Variants in TRIM67 observed in about 807,000 individuals in gnomAD.
TRIM67 encodes tripartite motif containing 67, also known as tripartite motif-containing protein 67.
In TRIM67, 39 loss-of-function variants were observed where a neutral mutation model predicts 71.0. The observed-to-expected ratio is 0.55, with a 90% CI of 0.43 to 0.72. The LOEUF (loss-of-function observed/expected upper bound fraction) is 0.72. TRIM67 is among the 30% of genes least tolerant of loss of function. TRIM67 has a pLI of 0.00. For missense variants in TRIM67, 973 were observed against 1,079.2 expected (o/e 0.90, Z 1.38); for synonymous variants, 481 against 473.9 (o/e 1.01, Z -0.19).
rs991845570 is a variant in TRIM67, at chr1:231,221,193, G to A, written c.*5753G>A. On this transcript the variant is annotated 3_prime_UTR_variant, in exon 10 of 10. Coordinates refer to ENST00000366653, the MANE Select transcript of TRIM67 (RefSeq NM_001004342.5). ...TTTAACAAGAAACAAAAAGCTTCGC[G>A]TCCTTGTTTTGACCGTCGACAGAAG... 6.6e-6 allele frequency: 1 copy of A among 152,220 alleles called. No homozygotes were observed. The highest frequency in any genetic ancestry group is 1.5e-5 in the Non-Finnish European group (1 of 68,022). 9.4% of individuals were successfully genotyped at this position (152,220 alleles called of 1,614,324 possible).
At chr1:231,201,606 T>C (rs975421038) in intron 5 of TRIM67, 89 bp downstream of exon 5, 19 of 1,451,362 alleles carry the variant, frequency 1.3e-5, no homozygotes, top group Non-Finnish European at 1.5e-5. Flanking sequence ...TAGGGAGACC[T>C]GTGATGCACG....
intron 1 of TRIM67, among the ~76,000 whole-genome samples, chr1:231,189,144 G>T (rs982465437): frequency 4.6e-5 from 7 of 152,176 alleles, no homozygotes; most frequent in Non-Finnish European, 8.8e-5. Context: ...TGCGACACTG[G>T]ATAAATCCAA....
At position 231,199,224 on chromosome 1, in the gene TRIM67, C is replaced by G. The variant is rs560356192; in HGVS notation, c.1263+55C>G. The G allele has an allele frequency of 5.7e-6, 9 of 1,567,874 alleles. 1 individual carries two copies. In the African/African-American group the frequency reaches 8.1e-5, roughly 14 times the overall value. On this transcript the variant is annotated intron_variant, in intron 3 of 9. Coordinates refer to ENST00000366653, the MANE Select transcript of TRIM67 (RefSeq NM_001004342.5). ...TCCCTGCCACATCCTCTGCACCCAG[C>G]GTGGGGTGGAGCACAGAGTAGGCAC...
intron 8 of TRIM67, among the ~76,000 whole-genome samples, chr1:231,213,507 G>A (rs112442734): frequency 1.4e-4 from 22 of 152,268 alleles, no homozygotes; most frequent in African/African-American, 4.6e-4. Context: ...TGGGAAGATC[G>A]CTTGAGCCTA....
intron 1 of TRIM67, among the ~76,000 whole-genome samples, chr1:231,168,986 C>G (rs146904180): frequency 6.6e-6 from 1 of 152,172 alleles, no homozygotes; most frequent in Non-Finnish European, 1.5e-5. Flanking sequence ...GAGAAGAGTC[C>G]GCCGGGGCTC....
rs3049035 is a variant in TRIM67, at chr1:231,193,503, GCTCTCTCTCTCT to G, written c.1045-3832_1045-3821del. ...AAGAGACACCTGAACTCTCTCTCAA[GCTCTCTCTCTCT>G]CTCTCTCTCTCTCTCTCTCTCTCTC... On this transcript the variant is annotated intron_variant, in intron 1 of 9. Transcript: ENST00000366653. Among the ~76,000 whole-genome samples, 291 of 81,996 alleles carry G rather than the reference GCTCTCTCTCTCT, an allele frequency of 3.5e-3. 2 individuals carry two copies. The highest frequency in any genetic ancestry group is 0.022 in the East Asian group (63 of 2,834). 53.8% of individuals were successfully genotyped at this position (81,996 alleles called of 152,430 possible).
intron 1 of TRIM67, chr1:231,187,585 G>T (rs1290380568): frequency 6.5e-7 from 1 of 1,529,848 alleles, no homozygotes; most frequent in Non-Finnish European, 8.7e-7. Flanking sequence ...CCTCCTTTGT[G>T]CCCAATGATG....
chr1:231,180,997 C>A (rs1001011245), intron 1 of TRIM67, among the ~76,000 whole-genome samples: 1 of 152,022 alleles, frequency 6.6e-6, no homozygotes, highest in African/African-American at 2.4e-5. Context: ...GATGGAGTCT[C>A]GCTCTGTCGC....
At chr1:231,207,671 C>T (rs59494938) in intron 7 of TRIM67, among the ~76,000 whole-genome samples, 29 of 152,304 alleles carry the variant, frequency 1.9e-4, no homozygotes, top group African/African-American at 7.0e-4. Flanking sequence ...TGAGCAGATG[C>T]TGGTGTCAAA....
chr1:231,192,004 G>A (rs1218732525), intron 1 of TRIM67, among the ~76,000 whole-genome samples: 1 of 152,206 alleles, frequency 6.6e-6, no homozygotes, highest in East Asian at 1.9e-4. Context: ...GCTTTCCTGG[G>A]CCACCCATCT....
At chr1:231,174,801 T>A (rs531888786) in intron 1 of TRIM67, among the ~76,000 whole-genome samples, 9 of 152,240 alleles carry the variant, frequency 5.9e-5, no homozygotes, top group Admixed American at 5.2e-4. Context: ...TTTTAAGTTA[T>A]GCTTTCTTGA....
chr1:231,216,304 A>C lies in TRIM67; in HGVS notation c.*864A>C, dbSNP rs1177616827. The C allele has an allele frequency of 1.0e-6, 1 of 984,850 alleles. No individual in the cohort carries two copies. Among genetic ancestry groups the C allele is most frequent in the Non-Finnish European group, 1.2e-6 (1 of 829,830 alleles). The allele number at this position is 984,850 out of a possible 1,614,324, so 61.0% of individuals were successfully genotyped here. On this transcript the variant is annotated 3_prime_UTR_variant, in exon 10 of 10. Transcript: ENST00000366653. Reference sequence around the variant, plus strand: ...CCTTCTCTCTCTCTCTCACACACACACAGGCATGACAGTCTCCTAAAATTA... The same window carrying C: ...CCTTCTCTCTCTCTCTCACACACACCCAGGCATGACAGTCTCCTAAAATTA...
intron 5 of TRIM67, among the ~76,000 whole-genome samples, chr1:231,202,294 A>AGTG (rs1003234304): frequency 2.4e-5 from 2 of 84,944 alleles, no homozygotes; most frequent in Non-Finnish European, 5.2e-5. Context: ...TGGAGGCAGT[A>AGTG]GTGGTGGTGG....
At chr1:231,192,896 T>C (rs562880760) in intron 1 of TRIM67, among the ~76,000 whole-genome samples, 1 of 152,224 alleles carries the variant, frequency 6.6e-6, no homozygotes, top group East Asian at 1.9e-4. Flanking sequence ...CAGCCAGGCA[T>C]TAGCCTGCGG....
chr1:231,209,362 G>C lies in TRIM67; in HGVS notation c.2123+112G>C, dbSNP rs964862567. 1 of 1,250,858 alleles carries C rather than the reference G, an allele frequency of 8.0e-7. No homozygotes were observed. The highest frequency in any genetic ancestry group is 1.1e-6 in the Non-Finnish European group (1 of 932,232). The allele number at this position is 1,250,858 out of a possible 1,614,324, so 77.5% of individuals were successfully genotyped here. The stretch of plus-strand genomic sequence containing the variant: ...CAAAGCCAGGAGGAATTGAGAGGAG[G>C]TATTTTCAGCCACTTTGGTCTCCAT... On this transcript the variant is annotated intron_variant, in intron 8 of 9. Transcript: ENST00000366653. The surrounding 1 kb of genome is among the most constrained non-coding windows in gnomAD (Gnocchi z 4.1).
intron 5 of TRIM67, among the ~76,000 whole-genome samples, chr1:231,202,144 A>AC: frequency 8.1e-4 from 2 of 2,472 alleles, no homozygotes; most frequent in Non-Finnish European, 2.5e-3. Context: ...GAGGAGGAGG[A>AC]AGAGGTAGCG....
chr1:231,206,025 G>A (rs932656840), intron 6 of TRIM67, among the ~76,000 whole-genome samples: 6 of 152,186 alleles, frequency 3.9e-5, no homozygotes, highest in Non-Finnish European at 7.4e-5. Flanking sequence ...CAGAGGGGCC[G>A]GGCAGCCAGT....
chr1:231,197,416 G>C lies in TRIM67; in HGVS notation c.1090G>C (p.Glu364Gln). Residue 364 changes from glutamate (E) to glutamine (Q), a missense_variant, in exon 2 of 10, where the codon GAA becomes CAA. Transcript: ENST00000366653. ...AAATGGAGTTTCAGATAAGGCAAAGGAAGCAAAGGAGTTTCTGGTTCAGCT... is the reference window on the plus strand; with the variant it reads ...AAATGGAGTTTCAGATAAGGCAAAGCAAGCAAAGGAGTTTCTGGTTCAGCT... ...ALNGVSDKAK[E>Q]AKEFLVQLKN... 1 of 1,614,016 alleles carries C rather than the reference G, an allele frequency of 6.2e-7. No homozygotes were observed. Among genetic ancestry groups the C allele is most frequent in the Non-Finnish European group, 8.5e-7 (1 of 1,179,872 alleles).
rs1571910933 is a variant in TRIM67 at position 231,219,991 on chromosome 1, A to G, written c.*4551A>G. ...GTGATTCATGGTATGAGTGGGGGCC[A>G]ATCTCTTATCCTTTCTGTGCCTCAG... On this transcript the variant is annotated 3_prime_UTR_variant, in exon 10 of 10. Transcript: ENST00000366653. 7.8e-7 allele frequency: 1 copy of G among 1,280,752 alleles called. No homozygotes were observed. The highest frequency in any genetic ancestry group is 1.2e-5 in the South Asian group (1 of 80,830). The allele number at this position is 1,280,752 out of a possible 1,614,324, so 79.3% of individuals were successfully genotyped here.
Sources: gnomAD v4.1 joint callset for allele counts (sites outside exome capture counted in the v4.1 genomes callset) on GRCh38, gnomAD v4.1.1 for gene constraint, Gnocchi (gnomAD v3.1) non-coding constraint, MANE v1.5 for transcripts, NCBI Gene and HGNC (gene_info 2026-07-23, HGNC 2026-07-21) for gene names.